Variants in SHROOM4 observed in about 807,000 individuals in gnomAD.
SHROOM4 encodes protein Shroom4.
Under a neutral mutation model 80.3 loss-of-function variants are expected in SHROOM4, and 17 were observed. That is an observed-to-expected ratio of 0.21 (90% confidence interval 0.14 to 0.32). The LOEUF (loss-of-function observed/expected upper bound fraction) is 0.32. SHROOM4 is among the 10% of genes least tolerant of loss of function. SHROOM4 has a pLI of 1.00. For missense variants in SHROOM4, 993 were observed against 1,140.3 expected (o/e 0.87, Z 1.86); for synonymous variants, 400 against 437.5 (o/e 0.91, Z 1.07).
intron 1 of SHROOM4, among the ~76,000 whole-genome samples, chrX:50,743,143 G>A (rs12848452): frequency 1.3e-4 from 13 of 103,588 alleles, no homozygotes; most frequent in Non-Finnish European, 2.5e-4. Context: ...GTGCACTTTA[G>A]TACTTCCTTA....
intron 5 of SHROOM4, among the ~76,000 whole-genome samples, chrX:50,613,987 T>A (rs1479991474): frequency 8.9e-6 from 1 of 111,962 alleles, no homozygotes; most frequent in African/African-American, 3.2e-5. Flanking sequence ...AACACTGAAG[T>A]CAACTCAAAT....
At chrX:50,670,918 G>A (rs1190853766) in intron 2 of SHROOM4, among the ~76,000 whole-genome samples, 2 of 111,892 alleles carry the variant, frequency 1.8e-5, no homozygotes. Flanking sequence ...CTTTTGAGGA[G>A]TGTCTGTTGA....
At chrX:50,726,624 T>C (rs1179626170) in intron 1 of SHROOM4, among the ~76,000 whole-genome samples, 1 of 112,846 alleles carries the variant, frequency 8.9e-6, no homozygotes, top group Non-Finnish European at 1.9e-5. Context: ...CTCAGGCCAT[T>C]GCTTCAGAGG....
chrX:50,610,206 C>T (rs1168825134), intron 5 of SHROOM4, among the ~76,000 whole-genome samples: 2 of 111,632 alleles, frequency 1.8e-5, no homozygotes, highest in Non-Finnish European at 3.8e-5. Flanking sequence ...CTGGTCAGCT[C>T]ACCACTCATG....
intron 8 of SHROOM4, among the ~76,000 whole-genome samples, chrX:50,597,542 C>T (rs1929170940): frequency 9.0e-6 from 1 of 111,653 alleles, no homozygotes; most frequent in South Asian, 3.8e-4. Flanking sequence ...TTGATGAGAC[C>T]TCCCCCTCCA....
At chrX:50,793,609 ACTAT>A (rs1307981027) in intron 1 of SHROOM4, among the ~76,000 whole-genome samples, 1 of 104,354 alleles carries the variant, frequency 9.6e-6, no homozygotes, top group Non-Finnish European at 1.9e-5. Flanking sequence ...GGAAGAGGAG[ACTAT>A]CTAATGACTC....
At chrX:50,812,799 T>A (rs940415016) in intron 1 of SHROOM4, among the ~76,000 whole-genome samples, 20 of 111,937 alleles carry the variant, frequency 1.8e-4, no homozygotes, top group African/African-American at 6.5e-4. Flanking sequence ...AGACACATCT[T>A]TCTATCTCCA....
chrX:50,786,132 G>C (rs1195300276), intron 1 of SHROOM4, among the ~76,000 whole-genome samples: 1 of 111,778 alleles, frequency 8.9e-6, no homozygotes, highest in Non-Finnish European at 1.9e-5. Flanking sequence ...CCCCTGTACA[G>C]AGCCATACAA....
At chrX:50,627,362 C>G (rs782282388) in intron 5 of SHROOM4, among the ~76,000 whole-genome samples, 1 of 111,489 alleles carries the variant, frequency 9.0e-6, no homozygotes, top group South Asian at 3.8e-4. Flanking sequence ...GGTGTCCTCT[C>G]TCAAGGATCT....
chrX:50,762,789 T>C (rs1935188714), intron 1 of SHROOM4, among the ~76,000 whole-genome samples: 3 of 111,910 alleles, frequency 2.7e-5, no homozygotes, highest in Admixed American at 9.5e-5. Flanking sequence ...ACTTGTACAT[T>C]ATGAGTCATT....
chrX:50,743,745 C>T (rs1934717377), intron 1 of SHROOM4, among the ~76,000 whole-genome samples: 1 of 112,187 alleles, frequency 8.9e-6, no homozygotes, highest in African/African-American at 3.2e-5. Flanking sequence ...GCACGAGTTA[C>T]TGCCCCCAGA....
intron 1 of SHROOM4, among the ~76,000 whole-genome samples, chrX:50,753,247 G>C (rs1934961515): frequency 8.9e-6 from 1 of 111,917 alleles, no homozygotes; most frequent in African/African-American, 3.2e-5. Context: ...AATATTTGCA[G>C]AATCAAAATG....
At chrX:50,603,213 T>C (rs966169285) in intron 6 of SHROOM4, among the ~76,000 whole-genome samples, 4 of 111,404 alleles carry the variant, frequency 3.6e-5, no homozygotes, top group Non-Finnish European at 7.5e-5. Context: ...CTATTGGTTC[T>C]CCAAGCCTGT....
intron 1 of SHROOM4, among the ~76,000 whole-genome samples, chrX:50,711,968 C>T (rs181012788): frequency 2.2e-3 from 248 of 112,320 alleles, no homozygotes; most frequent in Middle Eastern, 9.3e-3. Context: ...AGTCACTTCA[C>T]CTCTCTGAAA....
In SHROOM4 at chrX:50,638,164, C is replaced by A. The variant is rs1557256481; in HGVS notation, c.404+10G>T. The A allele has an allele frequency of 8.3e-7, 1 of 1,202,739 alleles. No individual in the cohort carries two copies. The highest frequency in any genetic ancestry group is 1.1e-6 in the Non-Finnish European group (1 of 890,940). On this transcript the variant is annotated intron_variant, in intron 3 of 8. Coordinates refer to ENST00000376020, the MANE Select transcript of SHROOM4 (RefSeq NM_020717.5). Reference sequence around the variant, plus strand: ...TCCAGCCTGTCTTGAGGGGAGGGCTCTAGACTCACCTTGTGTTGCAGCCAG... The same window carrying A: ...TCCAGCCTGTCTTGAGGGGAGGGCTATAGACTCACCTTGTGTTGCAGCCAG...
intron 1 of SHROOM4, among the ~76,000 whole-genome samples, chrX:50,749,585 G>C (rs1364473316): frequency 8.9e-6 from 1 of 111,933 alleles, no homozygotes; most frequent in Non-Finnish European, 1.9e-5. Context: ...AGGTTATACA[G>C]AGAATATATC....
At chrX:50,811,936 C>T (rs1936339835) in intron 1 of SHROOM4, among the ~76,000 whole-genome samples, 1 of 110,522 alleles carries the variant, frequency 9.0e-6, no homozygotes, top group South Asian at 3.9e-4. Context: ...CAAGGAAACC[C>T]TCATCTACCC....
intron 1 of SHROOM4, among the ~76,000 whole-genome samples, chrX:50,699,642 C>A (rs1438047218): frequency 8.9e-6 from 1 of 112,120 alleles, no homozygotes; most frequent in Non-Finnish European, 1.9e-5. Flanking sequence ...AGTCAGGACA[C>A]TGAGAGAAAG....
Position 50,587,893 on chromosome X carries a change from A to C in SHROOM4, c.*8802T>G, listed in dbSNP as rs1430569840. Among the ~76,000 whole-genome samples the C allele has an allele frequency of 8.9e-6, 1 of 112,488 alleles. No homozygotes were observed. Among genetic ancestry groups the C allele is most frequent in the Non-Finnish European group, 1.9e-5 (1 of 53,280 alleles). On this transcript the variant is annotated 3_prime_UTR_variant, in exon 9 of 9. Transcript: ENST00000376020. ...AGATTAAATGAGGATTTCTGCTTTA[A>C]AAATGTATGTTTAGATAGAAAAATA...
Sources: gnomAD v4.1 joint callset for allele counts (sites outside exome capture counted in the v4.1 genomes callset) on GRCh38, gnomAD v4.1.1 for gene constraint, MANE v1.5 for transcripts, NCBI Gene and HGNC (gene_info 2026-07-23, HGNC 2026-07-21) for gene names.